ATP2A2: variants seen among roughly 807,000 people sequenced by gnomAD.
ATP2A2 encodes the protein ATPase sarcoplasmic/endoplasmic reticulum Ca2+ transporting 2.
In ATP2A2, 14 loss-of-function variants were observed where a neutral mutation model predicts 109.3. The ratio of observed to expected loss-of-function variants is 0.13; its 90% confidence interval spans 0.08 to 0.20. The LOEUF (loss-of-function observed/expected upper bound fraction) is 0.20, where lower values mean the gene tolerates loss of function less well. Ranked by LOEUF, ATP2A2 falls within the 10% of genes least tolerant of loss-of-function variation. The probability of loss-of-function intolerance (pLI) is 1.00; values close to 1 mark genes in which losing one functional copy is unlikely to be tolerated. For missense variants in ATP2A2, 657 were observed against 1,321.6 expected (o/e 0.50, Z 7.80); for synonymous variants, 506 against 490.9 (o/e 1.03, Z -0.41).
intron 18 of ATP2A2, 100 bp from the exon 19 acceptor site, chr12:110,345,901 A>G (rs1879801821): frequency 8.3e-7 from 1 of 1,206,334 alleles, no homozygotes; most frequent in African/African-American, 1.5e-5. Flanking sequence ...TGCCACATTA[A>G]CAGCCGCCTT....
intron 5 of ATP2A2, among the ~76,000 whole-genome samples, chr12:110,304,127 A>G (rs2137744215): frequency 6.6e-6 from 1 of 152,326 alleles, no homozygotes; most frequent in South Asian, 2.1e-4. Flanking sequence ...CATTTCGTTC[A>G]TGAATATAGC....
chr12:110,331,831 C>G (rs1197521198), intron 8 of ATP2A2: 2 of 152,186 alleles, frequency 1.3e-5, no homozygotes, highest in Non-Finnish European at 2.9e-5. Flanking sequence ...CTAAATCTTA[C>G]TTTTCCAAAC....
intron 8 of ATP2A2, among the ~76,000 whole-genome samples, chr12:110,328,547 C>T (rs1052819719): frequency 1.3e-5 from 2 of 152,114 alleles, no homozygotes; most frequent in African/African-American, 4.8e-5. Flanking sequence ...CAATTCTGGG[C>T]GACAAGCAAG....
At position 110,347,703 on chromosome 12, in the gene ATP2A2, C is replaced by T. The variant is rs1880012425; in HGVS notation, c.*1233C>T. ...ACTACGATCAATGTTTGCGCATGTT[C>T]GAGATGAGTCTCACCAACAGTGTGT... On this transcript the variant is annotated 3_prime_UTR_variant, in exon 20 of 20. Transcript: ENST00000539276. The T allele has an allele frequency of 3.4e-6, 4 of 1,164,654 alleles. No homozygotes were observed. Among genetic ancestry groups the T allele is most frequent in the South Asian group, 3.5e-5 (2 of 57,378 alleles). 72.1% of individuals were successfully genotyped at this position (1,164,654 alleles called of 1,614,324 possible).
chr12:110,335,933 T>A (rs555868792), intron 11 of ATP2A2, among the ~76,000 whole-genome samples: 24 of 152,326 alleles, frequency 1.6e-4, no homozygotes, highest in African/African-American at 5.8e-4. Context: ...GGTGATTGCT[T>A]GTTGGGCAAG....
Position 110,349,778 on chromosome 12 carries a change from G to A in ATP2A2, c.*3308G>A, listed in dbSNP as rs115847286. 602 of 1,016,966 alleles carry A rather than the reference G, an allele frequency of 5.9e-4. 3 individuals carry two copies. In the African/African-American group the frequency reaches 7.4e-3, roughly 13 times the overall value. 63.0% of individuals were successfully genotyped at this position (1,016,966 alleles called of 1,614,324 possible). A position where few individuals can be genotyped will look rare whatever the true frequency, so the allele number is the denominator to read the frequency against. ...TAACCACCAAATTGTCCAAACACCC[G>A]CTGCAGTTAGCAAGAAGGGTAGGCT... is the stretch of plus-strand genomic sequence containing the variant. On this transcript the variant is annotated 3_prime_UTR_variant, in exon 20 of 20. Coordinates refer to ENST00000539276, the MANE Select transcript of ATP2A2 (RefSeq NM_170665.4).
In ATP2A2 at chr12:110,332,590, C is replaced by T. The variant is rs772291337; in HGVS notation, c.1096-7C>T. On this transcript the variant is annotated splice_region_variant and splice_polypyrimidine_tract_variant and intron_variant, in intron 8 of 19. Transcript: ENST00000539276. ...TTTAAATACTCTGATGCGCTCTCCC[C>T]CTACAGATGTTCATTCTGGACAGAG... 1.5e-5 allele frequency: 24 copies of T among 1,606,140 alleles called. No homozygotes were observed. The highest frequency in any genetic ancestry group is 2.7e-5 in the African/African-American group (2 of 74,732).
At chr12:110,311,612 A>AAC (rs1876063362) in intron 5 of ATP2A2, among the ~76,000 whole-genome samples, 4 of 150,264 alleles carry the variant, frequency 2.7e-5, no homozygotes, top group African/African-American at 7.3e-5. Context: ...AAAAAAAAAA[A>AAC]AAAAAAAAAA....
intron 3 of ATP2A2, among the ~76,000 whole-genome samples, chr12:110,288,515 C>T (rs1489118630): frequency 6.6e-6 from 1 of 151,940 alleles, no homozygotes; most frequent in Non-Finnish European, 1.5e-5. Context: ...AGCGATTCTC[C>T]TGTCTCAGCT....
intron 5 of ATP2A2, among the ~76,000 whole-genome samples, chr12:110,298,413 T>C (rs549226785): frequency 6.6e-6 from 1 of 152,332 alleles, no homozygotes; most frequent in East Asian, 1.9e-4. Flanking sequence ...TCTTGGCTAT[T>C]GGATTTTTTA....
chr12:110,309,350 G>T (rs1265760100), intron 5 of ATP2A2, among the ~76,000 whole-genome samples: 2 of 151,096 alleles, frequency 1.3e-5, no homozygotes, highest in South Asian at 2.1e-4. Context: ...TAGAGACAGG[G>T]TTTCACCATG....
chr12:110,334,239 T>C, intron 11 of ATP2A2, 96 bp downstream of exon 11: 1 of 1,449,466 alleles, frequency 6.9e-7, no homozygotes, highest in Non-Finnish European at 9.6e-7. Context: ...GAAAACTAAT[T>C]ATACCTTATC....
At chr12:110,314,154 C>T (rs1034051154) in intron 5 of ATP2A2, among the ~76,000 whole-genome samples, 5 of 151,848 alleles carry the variant, frequency 3.3e-5, no homozygotes, top group East Asian at 2.0e-4. Flanking sequence ...CATGGAGAAA[C>T]GCTGTCTCTA....
At chr12:110,328,716 C>T (rs1878047578) in intron 8 of ATP2A2, among the ~76,000 whole-genome samples, 1 of 152,158 alleles carries the variant, frequency 6.6e-6, no homozygotes, top group Admixed American at 6.6e-5. Flanking sequence ...CAAGTGCATG[C>T]CACCATGCCC....
chr12:110,323,661 T>G (rs1356513951), intron 6 of ATP2A2, among the ~76,000 whole-genome samples: 1 of 152,044 alleles, frequency 6.6e-6, no homozygotes, highest in Admixed American at 6.6e-5. Flanking sequence ...AATACAAAAA[T>G]TAGCCAGGCC....
rs1329793314 is a variant in ATP2A2, at chr12:110,281,579, C to G, written c.-211C>G. ...GGTCAGGAGCCCCCAACCCGCCCTG[C>G]GGAGCTCGGGGCCGCGCGAGGGGCG... On this transcript the variant is annotated 5_prime_UTR_variant, in exon 1 of 20. Transcript: ENST00000539276. 6 of 331,492 alleles carry G rather than the reference C, an allele frequency of 1.8e-5. No individual in the cohort carries two copies. The South Asian group carries it at 1.9e-4, about 10-fold the overall frequency. 20.5% of individuals were successfully genotyped at this position (331,492 alleles called of 1,614,324 possible).
intron 3 of ATP2A2, among the ~76,000 whole-genome samples, chr12:110,286,131 C>A (rs1342531431): frequency 6.6e-6 from 1 of 152,044 alleles, no homozygotes; most frequent in African/African-American, 2.4e-5. Flanking sequence ...CCTTTGTTGG[C>A]CAGGCTGGTC....
At chr12:110,312,849 C>CA (rs34180879) in intron 5 of ATP2A2, among the ~76,000 whole-genome samples, 3,152 of 65,774 alleles carry the variant, frequency 0.048, 40 homozygotes, top group African/African-American at 0.064. Flanking sequence ...GACTCTGTTG[C>CA]AAAAAAAAAA....
intron 1 of ATP2A2, among the ~76,000 whole-genome samples, chr12:110,282,250 C>G (rs2137672342): frequency 6.6e-6 from 1 of 152,304 alleles, no homozygotes; most frequent in African/African-American, 2.4e-5. Context: ...TATGAGGAGT[C>G]GAGGTCGTTG....
Sources: gnomAD v4.1 joint callset for allele counts (sites outside exome capture counted in the v4.1 genomes callset) on GRCh38, gnomAD v4.1.1 for gene constraint, MANE v1.5 for transcripts, NCBI Gene and HGNC (gene_info 2026-07-23, HGNC 2026-07-21) for gene names.